BOD1L1: variants seen among roughly 807,000 people sequenced by gnomAD.
The protein encoded by BOD1L1 is biorientation of chromosomes in cell division 1 like 1, also known as biorientation of chromosomes in cell division protein 1-like 1.
Under a neutral mutation model 240.7 loss-of-function variants are expected in BOD1L1, and 86 were observed. The ratio of observed to expected loss-of-function variants is 0.36; its 90% CI spans 0.30 to 0.43. The LOEUF (loss-of-function observed/expected upper bound fraction) is 0.43. Ranked by LOEUF, BOD1L1 falls within the 20% of genes least tolerant of loss-of-function variation. The pLI is 1.00. For missense variants in BOD1L1, 3,554 were observed against 3,643.5 expected (o/e 0.98, Z 0.63); for synonymous variants, 1,268 against 1,272.3 (o/e 1.00, Z 0.07).
Position 13,577,085 on chromosome 4 carries a change from G to T in BOD1L1, c.8885-94C>A, listed in dbSNP as rs1437898577. On this transcript the variant is annotated intron_variant, in intron 24 of 25. Transcript: ENST00000040738. ...GGAGTTTAGAACTTAGGATATTAGG[G>T]ACTTGGAGGCAGAGAAATGGTTTTC... 4.2e-6 allele frequency: 6 copies of T among 1,411,920 alleles called. No homozygotes were observed. The Admixed American group carries it at 1.5e-4, about 35-fold the overall frequency. The allele number at this position is 1,411,920 out of a possible 1,614,324, so 87.5% of individuals were successfully genotyped here.
intron 14 of BOD1L1, among the ~76,000 whole-genome samples, chr4:13,589,014 G>A (rs542318381): frequency 6.6e-6 from 1 of 152,300 alleles, no homozygotes; most frequent in South Asian, 2.1e-4. Flanking sequence ...GTAGATGTGA[G>A]GGAATGGGGT....
Position 13,605,067 on chromosome 4 carries a change from T to G in BOD1L1, c.1833A>C (p.Lys611Asn), listed in dbSNP as rs1715585675. The G allele has an allele frequency of 6.5e-7, 1 of 1,549,364 alleles. No homozygotes were observed. Among genetic ancestry groups the G allele is most frequent in the Admixed American group, 2.3e-5 (1 of 43,046 alleles). Residue 611 changes from lysine to asparagine, a missense_variant, in exon 10 of 26, where the codon AAA (lysine) becomes AAC (asparagine). Coordinates refer to ENST00000040738, the MANE Select transcript of BOD1L1 (RefSeq NM_148894.3). ...GCTTCAGCTCCTTTGAAGAAGAAAT[T>G]TTTTCCTTTTCACAATGCTGAAAGA... is the stretch of plus-strand genomic sequence containing the variant. ...LKTSEHCEKE[K>N]ISSSKELKHV...
Position 13,600,611 on chromosome 4 carries a change from C to G in BOD1L1, c.6289G>C (p.Asp2097His). The part of the protein sequence containing the change: ...AITDVEGGLS[D>H]ALRTEENMEG... ...ATATTTTCTTCAGTTCTCAGAGCAT[C>G]TGAGAGACCTCCTTCCACATCTGTA... Residue 2097 changes from aspartate (D) to histidine (H), a missense_variant, in exon 10 of 26, where the codon GAT (aspartate) becomes CAT (histidine). Physicochemically the swap from Asp to His is moderately conservative, Grantham distance 81. Coordinates refer to ENST00000040738, the MANE Select transcript of BOD1L1 (RefSeq NM_148894.3). 1 of 1,613,878 alleles carries G rather than the reference C, an allele frequency of 6.2e-7. No individual in the cohort carries two copies. Among genetic ancestry groups the G allele is most frequent in the Non-Finnish European group, 8.5e-7 (1 of 1,179,842 alleles).
intron 14 of BOD1L1, among the ~76,000 whole-genome samples, chr4:13,589,172 C>T (rs1233953853): frequency 1.3e-5 from 2 of 152,196 alleles, no homozygotes; most frequent in Non-Finnish European, 2.9e-5. Context: ...ATCAGGCTAA[C>T]AAACAGTCAC....
At chr4:13,618,184 C>T (rs372734577) in intron 2 of BOD1L1, among the ~76,000 whole-genome samples, 31 of 152,088 alleles carry the variant, frequency 2.0e-4, no homozygotes, top group South Asian at 6.2e-4. Flanking sequence ...AGATTTTATA[C>T]GCTATAAAAG....
rs759354203 is a variant in BOD1L1 at position 13,602,818 on chromosome 4, G to A, written c.4082C>T (p.Thr1361Ile). The change falls in exon 10 of 26, where the codon ACT becomes ATT. Residue 1361 changes from threonine to isoleucine, a missense_variant. Around this residue, in one of 2 missense-constraint regions of BOD1L1, gnomAD observed 3,393 missense variants for 3,427.1 expected, o/e 0.99. Coordinates refer to ENST00000040738, the MANE Select transcript of BOD1L1 (RefSeq NM_148894.3). ...AGCTTCTGGAATGTGTCTTTTGCTAGTGATGCTTGCTTTTGCTGGTGTATC... is the reference window on the plus strand; with the variant it reads ...AGCTTCTGGAATGTGTCTTTTGCTAATGATGCTTGCTTTTGCTGGTGTATC... ...TVDTPAKASI[T>I]SKRHIPEAHQ... 6.2e-7 allele frequency: 1 copy of A among 1,614,008 alleles called. No individual in the cohort carries two copies. The highest frequency in any genetic ancestry group is 8.5e-7 in the Non-Finnish European group (1 of 1,179,880).
At chr4:13,611,255 T>C (rs779238723) in intron 5 of BOD1L1, among the ~76,000 whole-genome samples, 155 bp from the exon 6 acceptor site, 3 of 152,214 alleles carry the variant, frequency 2.0e-5, no homozygotes, top group Non-Finnish European at 4.4e-5. Flanking sequence ...AAAGCTATAA[T>C]TCATATTTTT....
chr4:13,626,893 C>T (rs1358689407), intron 1 of BOD1L1, among the ~76,000 whole-genome samples: 1 of 152,176 alleles, frequency 6.6e-6, no homozygotes, highest in Non-Finnish European at 1.5e-5. Context: ...GCTCCCACCC[C>T]CACGATGTCC....
chr4:13,576,053 C>T (rs920400407), intron 25 of BOD1L1, among the ~76,000 whole-genome samples: 4 of 151,938 alleles, frequency 2.6e-5, no homozygotes, highest in African/African-American at 9.7e-5. Flanking sequence ...CAGGCACTCA[C>T]CACCATGCCT....
At chr4:13,577,313 C>G in intron 24 of BOD1L1, 90 bp downstream of exon 24, 7 of 1,010,302 alleles carry the variant, frequency 6.9e-6, no homozygotes, top group Non-Finnish European at 4.4e-6. Context: ...ATTAGCTGTA[C>G]CCATTGGATT....
rs992066536 is a variant in BOD1L1 at position 13,614,646 on chromosome 4, T to C, written c.724A>G (p.Thr242Ala). 2 of 1,613,928 alleles carry C rather than the reference T, an allele frequency of 1.2e-6. No homozygotes were observed. The highest frequency in any genetic ancestry group is 8.5e-7 in the Non-Finnish European group (1 of 1,179,862). The part of the protein sequence containing the change: ...RASKKLPSQP[T>A]TDTSTDKERT... The stretch of plus-strand genomic sequence containing the variant: ...TCTTTGTCAGTACTAGTATCAGTGG[T>C]TGGCTGAGATGGAAGTTTTTTTGAC... Residue 242 changes from threonine (T) to alanine (A), a missense_variant, in exon 4 of 26, where the codon ACC becomes GCC. By Grantham distance (58) the Thr-to-Ala change is moderately conservative. Coordinates refer to ENST00000040738, the MANE Select transcript of BOD1L1 (RefSeq NM_148894.3).
chr4:13,595,979 C>G (rs376200949), intron 11 of BOD1L1, 35 bp from the exon 12 acceptor site: 248 of 1,583,550 alleles, frequency 1.6e-4, no homozygotes, highest in Middle Eastern at 6.7e-4. Flanking sequence ...AATAAGTTAA[C>G]CAGGGTTTTT....
intron 12 of BOD1L1, chr4:13,593,138 A>G (rs1714348244): frequency 6.6e-6 from 1 of 152,172 alleles, no homozygotes; most frequent in African/African-American, 2.4e-5. Context: ...TAATGCACAT[A>G]TTCCCAAACC....
Position 13,609,405 on chromosome 4 carries a change from G to A in BOD1L1, c.1493C>T (p.Ala498Val). ...LTVEQRRQSI[A>V]KEKEERLLRR... ...TAAAAGCCTCTCTTCTTTTTCTTTG[G>A]CCTAAAACCACAAAATACCCTAACA... The change falls in exon 7 of 26, where the codon GCC becomes GTC. Residue 498 changes from alanine (A) to valine (V), a missense_variant and splice_region_variant. This residue lies in a region of BOD1L1 where 3,393 missense variants were observed against 3,427.1 expected (regional missense o/e 0.99). Transcript: ENST00000040738. 6.7e-7 allele frequency: 1 copy of A among 1,492,470 alleles called. No homozygotes were observed. The highest frequency in any genetic ancestry group is 8.9e-7 in the Non-Finnish European group (1 of 1,122,730). The allele number at this position is 1,492,470 out of a possible 1,614,324, so 92.5% of individuals were successfully genotyped here.
At chr4:13,588,102 G>A (rs1713861274) in intron 15 of BOD1L1, among the ~76,000 whole-genome samples, 1 of 151,648 alleles carries the variant, frequency 6.6e-6, no homozygotes. Context: ...GCAGGAGAAT[G>A]GCGTGAACCC....
rs376243258 is a variant in BOD1L1 at position 13,599,601 on chromosome 4, C to T, written c.7299G>A (p.Lys2433=). 2.5e-6 allele frequency: 4 copies of T among 1,613,930 alleles called. No individual in the cohort carries two copies. The highest frequency in any genetic ancestry group is 2.7e-5 in the African/African-American group (2 of 74,934). ...CTATTTCGGGGCACTCCTTGCCATGCTTCTCTTCTTTTTCCGCACAAACAG... is the reference window on the plus strand; with the variant it reads ...CTATTTCGGGGCACTCCTTGCCATGTTTCTCTTCTTTTTCCGCACAAACAG... ...PSAVCAEKEE[K]HGKECPEIGP... The change falls in exon 10 of 26, where the codon AAG becomes AAA. Residue 2433 remains lysine, a synonymous_variant. Transcript: ENST00000040738.
At chr4:13,580,039 G>A (rs1713098681) in intron 21 of BOD1L1, 66 bp from the exon 22 acceptor site, 3 of 1,146,192 alleles carry the variant, frequency 2.6e-6, no homozygotes, top group Non-Finnish European at 3.8e-6. Context: ...ACATAGAAAT[G>A]CAATCAATGA....
intron 13 of BOD1L1, 59 bp from the exon 14 acceptor site, chr4:13,590,505 AG>A: frequency 6.1e-6 from 5 of 825,606 alleles, no homozygotes; most frequent in Non-Finnish European, 7.4e-6. Context: ...AAAGGCAAAA[AG>A]AAAGAAGAGA....
chr4:13,613,533 C>T lies in BOD1L1; in HGVS notation c.1303G>A (p.Glu435Lys), dbSNP rs1181408357. Reference protein sequence around the residue: ...EEVVTSDSMEEGEITSDDEEK... With the variant: ...EEVVTSDSMEKGEITSDDEEK... Reference sequence around the variant, plus strand: ...TTACCATCTGACGTAATCTCTCCTTCTTCCATGCTATCAGACGTTACAACT... The same window carrying T: ...TTACCATCTGACGTAATCTCTCCTTTTTCCATGCTATCAGACGTTACAACT... Residue 435 changes from glutamate (E) to lysine (K), a missense_variant, in exon 5 of 26, where the codon GAA becomes AAA. Coordinates refer to ENST00000040738, the MANE Select transcript of BOD1L1 (RefSeq NM_148894.3). This position sits in a 1 kb window ranked among gnomAD's most constrained non-coding sequence, Gnocchi z 4.0. 6.2e-7 allele frequency: 1 copy of T among 1,612,108 alleles called. No homozygotes were observed. Among genetic ancestry groups the T allele is most frequent in the Non-Finnish European group, 8.5e-7 (1 of 1,178,784 alleles).
Sources: gnomAD v4.1 joint callset for allele counts (sites outside exome capture counted in the v4.1 genomes callset) on GRCh38, gnomAD v4.1.1 for gene constraint, gnomAD v4.1.1 regional missense constraint, Gnocchi (gnomAD v3.1) non-coding constraint, MANE v1.5 for transcripts, NCBI Gene and HGNC (gene_info 2026-07-23, HGNC 2026-07-21) for gene names.